Variants in RAB8B observed in about 807,000 individuals in gnomAD.
RAB8B encodes the protein RAB8B, member RAS oncogene family, also known as ras-related protein Rab-8B.
In RAB8B, 11 loss-of-function variants were observed where a neutral mutation model predicts 32.0. The observed-to-expected ratio is 0.34, with a 90% CI of 0.22 to 0.57. The LOEUF is 0.57. Ranked by LOEUF, RAB8B falls within the 20% of genes least tolerant of loss-of-function variation. The pLI, the probability that RAB8B is intolerant of heterozygous loss-of-function variation, is 0.86. For synonymous variants in RAB8B, 103 were observed against 89.6 expected, an observed-to-expected ratio of 1.15 and a Z score of -0.85; for missense variants, 190 against 258.5, an observed-to-expected ratio of 0.73 and a Z score of 1.82.
At chr15:63,217,770 G>A (rs375023961) in intron 1 of RAB8B, among the ~76,000 whole-genome samples, 11 of 152,254 alleles carry the variant, frequency 7.2e-5, no homozygotes, top group East Asian at 3.9e-4. Flanking sequence ...ACAGTTTTTC[G>A]GGAGAGAGAA....
chr15:63,259,690 G>A lies in RAB8B; in HGVS notation c.478G>A (p.Glu160Lys). Residue 160 changes from glutamate to lysine, a missense_variant and splice_region_variant, in exon 6 of 8, where the codon GAG becomes AAG. Around this residue, in one of 2 missense-constraint regions of RAB8B, gnomAD observed 110 missense variants for 115.9 expected, o/e 0.95. Transcript: ENST00000321437. This position sits in a 1 kb window ranked among gnomAD's most constrained non-coding sequence, Gnocchi z 4.4. ...TSAKSSANVE[E>K]AFFTLARDIM... is the part of the protein sequence containing the mutation. Reference sequence around the variant, plus strand: ...CGCAAAATCCAGTGCAAATGTAGAAGAGGTAAGAAGGAAACGTTTGGTGAC... The same window carrying A: ...CGCAAAATCCAGTGCAAATGTAGAAAAGGTAAGAAGGAAACGTTTGGTGAC... The A allele has an allele frequency of 6.2e-7, 1 of 1,613,588 alleles. No individual in the cohort carries two copies. Among genetic ancestry groups the A allele is most frequent in the Non-Finnish European group, 8.5e-7 (1 of 1,179,488 alleles).
chr15:63,237,780 G>T (rs1028315256), intron 1 of RAB8B, among the ~76,000 whole-genome samples: 1 of 152,106 alleles, frequency 6.6e-6, no homozygotes, highest in Non-Finnish European at 1.5e-5. Context: ...GACTGTGCTT[G>T]CAGGGTATTA....
chr15:63,242,468 G>A (rs1171670485), intron 1 of RAB8B, among the ~76,000 whole-genome samples: 2 of 152,122 alleles, frequency 1.3e-5, no homozygotes, highest in Non-Finnish European at 2.9e-5. Context: ...AGGTCGGTCA[G>A]GAGATTGAGA....
intron 1 of RAB8B, among the ~76,000 whole-genome samples, chr15:63,225,217 G>C (rs2037879252): frequency 6.6e-6 from 1 of 152,120 alleles, no homozygotes; most frequent in South Asian, 2.1e-4. Flanking sequence ...AACCGTGTTG[G>C]AGTTTTTAGT....
chr15:63,245,279 G>T (rs1392727641), intron 2 of RAB8B, among the ~76,000 whole-genome samples: 1 of 152,090 alleles, frequency 6.6e-6, no homozygotes, highest in Non-Finnish European at 1.5e-5. Context: ...TTGTAAATTG[G>T]TTGGATTGAT....
chr15:63,260,695 A>C (rs2038196348), intron 6 of RAB8B, among the ~76,000 whole-genome samples: 1 of 146,728 alleles, frequency 6.8e-6, no homozygotes, highest in African/African-American at 2.7e-5. Context: ...AAAAAAAAAT[A>C]ATAGGTTTTC....
chr15:63,244,119 T>C (rs1218761299), intron 1 of RAB8B, among the ~76,000 whole-genome samples: 2 of 152,252 alleles, frequency 1.3e-5, no homozygotes, highest in Non-Finnish European at 2.9e-5. Context: ...ACCTGAGTTT[T>C]GGAGGGGACT....
intron 6 of RAB8B, among the ~76,000 whole-genome samples, chr15:63,260,874 G>T (rs2038198301): frequency 1.3e-5 from 2 of 151,900 alleles, no homozygotes; most frequent in African/African-American, 4.8e-5. Flanking sequence ...ATCATAACAT[G>T]ATGGTTAAAA....
In RAB8B at chr15:63,255,553, A is replaced by G. The variant is rs139117697; in HGVS notation, c.293A>G (p.Asn98Ser). 1,047 of 1,607,038 alleles carry G rather than the reference A, an allele frequency of 6.5e-4. 1 individual carries two copies. The highest frequency in any genetic ancestry group is 8.6e-4 in the Non-Finnish European group (1,012 of 1,173,632). The change falls in exon 4 of 8, where the codon AAT becomes AGT. Residue 98 changes from asparagine (N) to serine (S), a missense_variant. By Grantham distance (46) the Asn-to-Ser change is conservative (BLOSUM62 1). Around this residue, in one of 2 missense-constraint regions of RAB8B, gnomAD observed 80 missense variants for 142.6 expected, o/e 0.56. Transcript: ENST00000321437. ...YDITNEKSFD[N>S]IKNWIRNIEE... ...ATCACAAATGAAAAATCCTTTGACA[A>G]TATTAAAAATTGGATCAGAAACATT...
chr15:63,201,000 A>G (rs2037643618), intron 1 of RAB8B, among the ~76,000 whole-genome samples: 1 of 152,016 alleles, frequency 6.6e-6, no homozygotes. Context: ...CTTTGGGGTT[A>G]AAAGGGAGTG....
intron 3 of RAB8B, among the ~76,000 whole-genome samples, chr15:63,255,135 A>G (rs2038149139): frequency 6.6e-6 from 1 of 152,182 alleles, no homozygotes; most frequent in African/African-American, 2.4e-5. Flanking sequence ...GGAATAAACA[A>G]GTGCACAGTG....
At chr15:63,235,963 A>G (rs16953481) in intron 1 of RAB8B, among the ~76,000 whole-genome samples, 1 of 152,136 alleles carries the variant, frequency 6.6e-6, no homozygotes, top group Non-Finnish European at 1.5e-5. Flanking sequence ...CAAGATGTGG[A>G]TGTTCTTGTA....
chr15:63,221,886 G>A (rs2037847868), intron 1 of RAB8B, among the ~76,000 whole-genome samples: 2 of 152,236 alleles, frequency 1.3e-5, no homozygotes, highest in Non-Finnish European at 2.9e-5. Flanking sequence ...GTGGAGGCAT[G>A]TATCAGTCAG....
Position 63,189,646 on chromosome 15 carries a change from C to T in RAB8B, c.22C>T (p.Leu8Phe). The T allele has an allele frequency of 1.9e-6, 3 of 1,613,922 alleles. No individual in the cohort carries two copies. Among genetic ancestry groups the T allele is most frequent in the South Asian group, 1.1e-5 (1 of 91,072 alleles). Residue 8 changes from leucine to phenylalanine, a missense_variant, in exon 1 of 8, where the codon CTC (leucine) becomes TTC (phenylalanine). By Grantham distance (22) the Leu-to-Phe change is conservative. This residue lies in a region of RAB8B where 80 missense variants were observed against 142.6 expected (regional missense o/e 0.56). Transcript: ENST00000321437. ...GAAGATGGCGAAGACGTACGATTATCTCTTCAAGCTCCTGCTGATCGGCGA... is the reference window on the plus strand; with the variant it reads ...GAAGATGGCGAAGACGTACGATTATTTCTTCAAGCTCCTGCTGATCGGCGA... Reference protein sequence around the residue: MAKTYDYLFKLLLIGDSG... With the variant: MAKTYDYFFKLLLIGDSG...
intron 1 of RAB8B, among the ~76,000 whole-genome samples, chr15:63,210,576 C>T (rs1427718105): frequency 1.3e-5 from 2 of 152,218 alleles, no homozygotes; most frequent in Non-Finnish European, 2.9e-5. Context: ...TCCAGCTTCC[C>T]AACCTTCTGT....
rs138902948 is a variant in RAB8B at position 63,237,944 on chromosome 15, C to T, written c.125-6812C>T. Among the ~76,000 whole-genome samples, 684 of 152,056 alleles carry T rather than the reference C, an allele frequency of 4.5e-3. 3 individuals carry two copies. The highest frequency in any genetic ancestry group is 0.015 in the African/African-American group (632 of 41,488). On this transcript the variant is annotated intron_variant, in intron 1 of 7. Transcript: ENST00000321437. ...GAGGTGGGGGTCTAGTTTCATTCTT[C>T]GGCATACAGATACCCAGTTTTCCCA... is the stretch of plus-strand genomic sequence containing the variant.
rs114817622 is a variant in RAB8B at position 63,238,161 on chromosome 15, G to A, written c.125-6595G>A. ...GCTCTGTAGTATAATTTAAACAAAG[G>A]GCTTTTTGACCTGAAGGATAATGTC... On this transcript the variant is annotated intron_variant, in intron 1 of 7. Coordinates refer to ENST00000321437, the MANE Select transcript of RAB8B (RefSeq NM_016530.3). Among the ~76,000 whole-genome samples the A allele has an allele frequency of 7.1e-3, 1,085 of 152,048 alleles. 11 individuals are homozygous for A. The highest frequency in any genetic ancestry group is 0.024 in the African/African-American group (1,009 of 41,462).
At chr15:63,233,812 TC>T (rs958515469) in intron 1 of RAB8B, among the ~76,000 whole-genome samples, 3 of 152,194 alleles carry the variant, frequency 2.0e-5, no homozygotes, top group South Asian at 2.1e-4. Context: ...TGTTTTTTTT[TC>T]CTTTTTAACT....
chr15:63,220,464 A>G (rs2141121453), intron 1 of RAB8B, among the ~76,000 whole-genome samples: 1 of 151,860 alleles, frequency 6.6e-6, no homozygotes, highest in East Asian at 1.9e-4. Flanking sequence ...TTTTTTTTAA[A>G]TGGAGGGAAA....
Sources: gnomAD v4.1 joint callset for allele counts (sites outside exome capture counted in the v4.1 genomes callset) on GRCh38, gnomAD v4.1.1 for gene constraint, gnomAD v4.1.1 regional missense constraint, Gnocchi (gnomAD v3.1) non-coding constraint, MANE v1.5 for transcripts, NCBI Gene and HGNC (gene_info 2026-07-23, HGNC 2026-07-21) for gene names.